Variants in STXBP4 observed in about 807,000 individuals in gnomAD.
STXBP4 encodes syntaxin binding protein 4, also known as syntaxin-binding protein 4.
STXBP4 carries 55 observed loss-of-function variants against 76.1 expected under a neutral mutation model. That is an observed-to-expected ratio of 0.72 (90% CI 0.58 to 0.91). STXBP4 has a LOEUF of 0.91. Among genes scored for constraint, STXBP4 ranks in the 40% least tolerant of loss-of-function variants. STXBP4 has a pLI of 0.00. For missense variants in STXBP4, 618 were observed against 636.9 expected, an observed-to-expected ratio of 0.97 and a Z score of 0.32; for synonymous variants, 201 against 220.2, an observed-to-expected ratio of 0.91 and a Z score of 0.77.
chr17:55,084,051 G>A (rs1408189707), intron 16 of STXBP4, among the ~76,000 whole-genome samples: 5 of 152,018 alleles, frequency 3.3e-5, no homozygotes, highest in South Asian at 2.1e-4. Context: ...CTGAGGAATC[G>A]CCACACTGAC....
intron 12 of STXBP4, among the ~76,000 whole-genome samples, chr17:55,061,831 A>G (rs755790784): frequency 1.6e-4 from 25 of 152,134 alleles, no homozygotes; most frequent in Non-Finnish European, 3.2e-4. Flanking sequence ...CTTCTTATTG[A>G]TGAGTGCATT....
intron 3 of STXBP4, among the ~76,000 whole-genome samples, chr17:54,987,248 A>G (rs1200347225): frequency 6.6e-6 from 1 of 152,216 alleles, no homozygotes; most frequent in African/African-American, 2.4e-5. Flanking sequence ...TCTAGTCTTC[A>G]CTGTGTGCCC....
chr17:54,986,113 C>A, intron 2 of STXBP4, 29 bp from the exon 3 acceptor site: 1 of 952,946 alleles, frequency 1.0e-6, no homozygotes, highest in Non-Finnish European at 1.7e-6. Context: ...TAAGACCTGA[C>A]AATTTATTTT....
In STXBP4 at chr17:55,081,201, T is replaced by C. The variant is rs1224618493; in HGVS notation, c.1489+18T>C. The C allele has an allele frequency of 7.1e-7, 1 of 1,415,134 alleles. No individual in the cohort carries two copies. Among genetic ancestry groups the C allele is most frequent in the East Asian group, 2.8e-5 (1 of 35,672 alleles). 87.7% of individuals were successfully genotyped at this position (1,415,134 alleles called of 1,614,324 possible). The stretch of plus-strand genomic sequence containing the variant: ...TATGGATTGTAAGTTTTCTGCATTT[T>C]TTCACTTTTTAAAAGTAATTTATTT... On this transcript the variant is annotated intron_variant, in intron 16 of 17. Coordinates refer to ENST00000376352, the MANE Select transcript of STXBP4 (RefSeq NM_178509.6).
At chr17:54,990,242 ATCC>A (rs1216868559) in intron 3 of STXBP4, among the ~76,000 whole-genome samples, 10 of 152,240 alleles carry the variant, frequency 6.6e-5, no homozygotes, top group Non-Finnish European at 1.3e-4. Context: ...GAGGTCCCTA[ATCC>A]CTGGGCCACA....
chr17:55,102,077 C>T (rs1270733833), intron 16 of STXBP4, among the ~76,000 whole-genome samples: 1 of 151,764 alleles, frequency 6.6e-6, no homozygotes, highest in East Asian at 1.9e-4. Context: ...TTATTTATTC[C>T]TGTTGAATGC....
intron 3 of STXBP4, among the ~76,000 whole-genome samples, chr17:54,986,747 T>A (rs905815351): frequency 6.6e-6 from 1 of 152,196 alleles, no homozygotes; most frequent in African/African-American, 2.4e-5. Flanking sequence ...ATTAAAAAAA[T>A]TTGATAATAT....
intron 12 of STXBP4, among the ~76,000 whole-genome samples, chr17:55,047,527 C>T (rs1382592362): frequency 6.6e-6 from 1 of 151,022 alleles, no homozygotes; most frequent in Non-Finnish European, 1.5e-5. Flanking sequence ...TACTAAAGAA[C>T]AAAAAAGTCA....
chr17:55,146,147 T>C (rs1190434319), intron 17 of STXBP4, among the ~76,000 whole-genome samples: 1 of 152,184 alleles, frequency 6.6e-6, no homozygotes, highest in Admixed American at 6.5e-5. Context: ...AAACTGAATT[T>C]ATGACAAATT....
intron 8 of STXBP4, among the ~76,000 whole-genome samples, chr17:55,021,738 T>C (rs993672203): frequency 1.2e-4 from 18 of 152,182 alleles, no homozygotes; most frequent in African/African-American, 4.3e-4. Context: ...TTTTCTGTAC[T>C]ATCAGAAATA....
At chr17:54,990,244 C>T (rs879768440) in intron 3 of STXBP4, among the ~76,000 whole-genome samples, 1 of 152,022 alleles carries the variant, frequency 6.6e-6, no homozygotes, top group African/African-American at 2.4e-5. Context: ...GGTCCCTAAT[C>T]CCTGGGCCAC....
chr17:55,155,854 C>A (rs892358810), intron 17 of STXBP4, among the ~76,000 whole-genome samples: 1 of 152,064 alleles, frequency 6.6e-6, no homozygotes, highest in Non-Finnish European at 1.5e-5. Flanking sequence ...CATTTCTATG[C>A]CAATAATATA....
At chr17:55,065,283 C>T (rs2079037707) in intron 12 of STXBP4, among the ~76,000 whole-genome samples, 1 of 152,154 alleles carries the variant, frequency 6.6e-6, no homozygotes, top group Admixed American at 6.5e-5. Context: ...TATTCATCGA[C>T]ATCAACTTAA....
At chr17:55,186,613 A>G in the STXBP4 span, among the ~76,000 whole-genome samples, 1 of 152,234 alleles carries the variant, frequency 6.6e-6, no homozygotes, top group African/African-American at 2.4e-5. Context: ...TTGAAGATCA[A>G]AAATGAATTC....
At chr17:55,074,099 TA>T (rs1349674972) in intron 13 of STXBP4, among the ~76,000 whole-genome samples, 2 of 152,304 alleles carry the variant, frequency 1.3e-5, no homozygotes, top group East Asian at 1.9e-4. Context: ...CATAACTGGT[TA>T]TGTATATCTC....
At chr17:55,155,947 T>C (rs894660596) in intron 17 of STXBP4, among the ~76,000 whole-genome samples, 1 of 152,206 alleles carries the variant, frequency 6.6e-6, no homozygotes, top group Non-Finnish European at 1.5e-5. Context: ...CACACAATAC[T>C]GTTATCTTCC....
chr17:55,096,455 TTACA>T (rs1377423196), intron 16 of STXBP4, among the ~76,000 whole-genome samples: 1 of 152,198 alleles, frequency 6.6e-6, no homozygotes, highest in Admixed American at 6.5e-5. Context: ...TTTTCATGAC[TTACA>T]AATATTCAGG....
At chr17:55,137,769 T>C (rs1418700847) in intron 16 of STXBP4, among the ~76,000 whole-genome samples, 1 of 152,160 alleles carries the variant, frequency 6.6e-6, no homozygotes, top group African/African-American at 2.4e-5. Flanking sequence ...TGTTAACTCA[T>C]TATTATTAGC....
intron 8 of STXBP4, among the ~76,000 whole-genome samples, chr17:55,020,337 TTATAA>T (rs2078287353): frequency 6.6e-6 from 1 of 152,236 alleles, no homozygotes; most frequent in Non-Finnish European, 1.5e-5. Context: ...CCTAGTATTG[TTATAA>T]TATATTTTTC....
Sources: gnomAD v4.1 joint callset for allele counts (sites outside exome capture counted in the v4.1 genomes callset) on GRCh38, gnomAD v4.1.1 for gene constraint, MANE v1.5 for transcripts, NCBI Gene and HGNC (gene_info 2026-07-23, HGNC 2026-07-21) for gene names.